Variants in TAF2 observed in about 807,000 individuals in gnomAD.
TAF2 encodes the protein TATA-box binding protein associated factor 2.
Under a neutral mutation model 138.5 loss-of-function variants are expected in TAF2, and 61 were observed. That is an observed-to-expected ratio of 0.44 (90% confidence interval 0.36 to 0.54). The LOEUF (loss-of-function observed/expected upper bound fraction) is 0.54. Ranked by LOEUF, TAF2 falls within the 20% of genes least tolerant of loss-of-function variation. The pLI is 0.00. For synonymous variants in TAF2, 475 were observed against 469.9 expected (o/e 1.01, Z -0.14); for missense variants, 1,090 against 1,427.9 (o/e 0.76, Z 3.81).
rs142223051 is a variant in TAF2 at position 119,746,868 on chromosome 8, C to T, written c.2945G>A (p.Ser982Asn). 29 of 1,613,954 alleles carry T rather than the reference C, an allele frequency of 1.8e-5. No homozygotes were observed. Among genetic ancestry groups the T allele is most frequent in the African/African-American group, 2.7e-5 (2 of 74,904 alleles). The change falls in exon 23 of 26, where the codon AGT becomes AAT. Residue 982 changes from serine to asparagine, a missense_variant. Coordinates refer to ENST00000378164, the MANE Select transcript of TAF2 (RefSeq NM_003184.4). ...VDLYFTLFGL[S>N]RPSCLPLPEL... ...TGGCAAGGGTAAACAGGAAGGTCTACTGAGGCCAAAAAGTGTGAAGTACAA... is the reference window on the plus strand; with the variant it reads ...TGGCAAGGGTAAACAGGAAGGTCTATTGAGGCCAAAAAGTGTGAAGTACAA...
chr8:119,790,674 TA>T (rs1823359365), intron 11 of TAF2, among the ~76,000 whole-genome samples: 1 of 152,170 alleles, frequency 6.6e-6, no homozygotes, highest in Non-Finnish European at 1.5e-5. Flanking sequence ...ATAGCAAAAA[TA>T]AACATCTTTT....
Position 119,744,373 on chromosome 8 carries a change from C to T in TAF2, c.3129G>A (p.Glu1043=). The T allele has an allele frequency of 6.2e-7, 1 of 1,613,608 alleles. No individual in the cohort carries two copies. Residue 1043 remains glutamate (E), a synonymous_variant, in exon 24 of 26, where the codon GAG becomes GAA. Transcript: ENST00000378164. ...GAACAGTATCCATATCAATCTCCTC[C>T]TCATCTTGAGAACTGGAAAACTAAA... ...FQNPFSSSQD[E]EEIDMDTVHD...
At chr8:119,829,567 A>G (rs1826312408) in intron 2 of TAF2, among the ~76,000 whole-genome samples, 1 of 151,854 alleles carries the variant, frequency 6.6e-6, no homozygotes, top group Non-Finnish European at 1.5e-5. Context: ...GTATATATAT[A>G]TACACATACA....
At chr8:119,802,924 A>G (rs1824365348) in intron 5 of TAF2, among the ~76,000 whole-genome samples, 1 of 151,974 alleles carries the variant, frequency 6.6e-6, no homozygotes, top group Non-Finnish European at 1.5e-5. Flanking sequence ...TCTCTACTAA[A>G]GATATGACGA....
chr8:119,807,284 T>A (rs1344157501), intron 3 of TAF2, among the ~76,000 whole-genome samples: 1 of 152,216 alleles, frequency 6.6e-6, no homozygotes, highest in Non-Finnish European at 1.5e-5. Context: ...TCCATAGTTA[T>A]CTGACCTTAT....
At chr8:119,748,951 T>G (rs1820164760) in intron 22 of TAF2, among the ~76,000 whole-genome samples, 1 of 151,222 alleles carries the variant, frequency 6.6e-6, no homozygotes, top group African/African-American at 2.4e-5. Context: ...AACAGAACAG[T>G]TTAGAGTACA....
At chr8:119,797,412 G>A (rs377671451) in intron 7 of TAF2, among the ~76,000 whole-genome samples, 4 of 152,024 alleles carry the variant, frequency 2.6e-5, no homozygotes, top group East Asian at 1.9e-4. Context: ...ATGAACACAA[G>A]ACTAAAACAG....
At position 119,816,050 on chromosome 8, in the gene TAF2, C is replaced by CTT. The variant is rs770573593; in HGVS notation, c.299+3294_299+3295dup. Among the ~76,000 whole-genome samples the CTT allele has an allele frequency of 1.0e-3, 137 of 133,890 alleles. 1 individual carries two copies. Among genetic ancestry groups the CTT allele is most frequent in the African/African-American group, 2.3e-3 (86 of 36,892 alleles). 87.8% of individuals were successfully genotyped at this position (133,890 alleles called of 152,430 possible). On this transcript the variant is annotated intron_variant, in intron 3 of 25. Coordinates refer to ENST00000378164, the MANE Select transcript of TAF2 (RefSeq NM_003184.4). ...CTCAACCACTGTAAGCACACTCTTT[C>CTT]TTTTTTTTTTTTTTTTTTGAGACGG...
intron 3 of TAF2, among the ~76,000 whole-genome samples, chr8:119,810,213 C>T (rs759138135): frequency 3.3e-5 from 5 of 151,900 alleles, no homozygotes; most frequent in Non-Finnish European, 5.9e-5. Flanking sequence ...CCAAAAAGTC[C>T]CTTATGCTAT....
chr8:119,800,137 CTTTAG>C (rs1475395295), intron 6 of TAF2, among the ~76,000 whole-genome samples: 2 of 152,104 alleles, frequency 1.3e-5, no homozygotes, highest in Non-Finnish European at 2.9e-5. Flanking sequence ...TGCAGAAACT[CTTTAG>C]TTTAATTAGA....
chr8:119,763,935 G>T (rs911030451), intron 18 of TAF2, among the ~76,000 whole-genome samples: 12 of 151,962 alleles, frequency 7.9e-5, no homozygotes, highest in African/African-American at 2.2e-4. Flanking sequence ...CAGATCATGA[G>T]GTCAGGAGTT....
At chr8:119,831,822 A>G (rs986872912) in intron 1 of TAF2, 91 bp from the exon 2 acceptor site, 14 of 868,196 alleles carry the variant, frequency 1.6e-5, no homozygotes, top group Non-Finnish European at 2.4e-5. Flanking sequence ...AATTAGGACT[A>G]TGTTCTAAGT....
At chr8:119,751,201 T>G (rs1820325755) in intron 22 of TAF2, among the ~76,000 whole-genome samples, 1 of 152,180 alleles carries the variant, frequency 6.6e-6, no homozygotes, top group Non-Finnish European at 1.5e-5. Flanking sequence ...ATTCTGAATT[T>G]TGATACATAT....
intron 13 of TAF2, 40 bp from the exon 14 acceptor site, chr8:119,788,487 A>C (rs1296983509): frequency 8.2e-6 from 12 of 1,466,616 alleles, no homozygotes; most frequent in Non-Finnish European, 1.1e-5. Context: ...ATGTGATTTA[A>C]AAAATACCAA....
chr8:119,808,472 C>G (rs998673397), intron 3 of TAF2, among the ~76,000 whole-genome samples: 2 of 152,162 alleles, frequency 1.3e-5, no homozygotes, highest in Admixed American at 6.5e-5. Context: ...CAACTTCTTC[C>G]AAACCCTTGT....
chr8:119,782,834 A>C (rs1484330494), intron 16 of TAF2, among the ~76,000 whole-genome samples: 1 of 152,230 alleles, frequency 6.6e-6, no homozygotes. Flanking sequence ...CAGTGGGATA[A>C]TTAAGATTAA....
intron 3 of TAF2, among the ~76,000 whole-genome samples, chr8:119,811,065 GAATAAT>G (rs1263583102): frequency 1.3e-5 from 2 of 152,054 alleles, no homozygotes; most frequent in African/African-American, 2.4e-5. Flanking sequence ...TCAATTTTCA[GAATAAT>G]AATGACTACA....
Position 119,783,362 on chromosome 8 carries a change from A to C in TAF2, c.2112+19T>G, listed in dbSNP as rs1822804579. On this transcript the variant is annotated intron_variant, in intron 16 of 25. Coordinates refer to ENST00000378164, the MANE Select transcript of TAF2 (RefSeq NM_003184.4). Reference sequence around the variant, plus strand: ...AATATATACAATAGTCATTTCCTTTATGCTGTATATAATCTCACCTTTGCA... The same window carrying C: ...AATATATACAATAGTCATTTCCTTTCTGCTGTATATAATCTCACCTTTGCA... 1 of 1,613,378 alleles carries C rather than the reference A, an allele frequency of 6.2e-7. No individual in the cohort carries two copies. The highest frequency in any genetic ancestry group is 8.5e-7 in the Non-Finnish European group (1 of 1,179,622).
intron 8 of TAF2, among the ~76,000 whole-genome samples, chr8:119,796,602 A>C (rs1163163183): frequency 6.6e-6 from 1 of 152,062 alleles, no homozygotes; most frequent in Non-Finnish European, 1.5e-5. Context: ...ATTTCTGTAC[A>C]TTTAAGTTCT....
Sources: allele counts gnomAD v4.1 joint callset (sites outside exome capture counted in the v4.1 genomes callset), GRCh38; gene constraint gnomAD v4.1.1; transcripts MANE v1.5; gene names NCBI Gene and HGNC (gene_info 2026-07-23, HGNC 2026-07-21).